The following ZEB2 variants were observed in gnomAD, a reference collection of about 807,000 sequenced individuals.
The protein encoded by ZEB2 is zinc finger E-box binding homeobox 2.
A neutral mutation model predicts 99.9 loss-of-function variants in ZEB2; 6 were observed. That is an observed-to-expected ratio of 0.06 (90% CI 0.03 to 0.12). The LOEUF (loss-of-function observed/expected upper bound fraction) is 0.12, where lower values mean the gene tolerates loss of function less well. Among genes scored for constraint, ZEB2 ranks in the 10% least tolerant of loss-of-function variants. ZEB2 has a pLI of 1.00. For synonymous variants in ZEB2, 517 were observed against 542.5 expected (o/e 0.95, Z 0.65); for missense variants, 969 against 1,502.8 (o/e 0.64, Z 5.87).
intron 2 of ZEB2, chr2:144,511,596 C>T: frequency 6.2e-6 from 8 of 1,282,248 alleles, no homozygotes; most frequent in Non-Finnish European, 8.1e-6. Context: ...TAAAAGTTTA[C>T]CCTCCCCACA....
intron 2 of ZEB2, among the ~76,000 whole-genome samples, chr2:144,450,832 C>T (rs976565523): frequency 7.2e-5 from 11 of 152,118 alleles, no homozygotes; most frequent in African/African-American, 1.2e-4. Context: ...CCCACCACCA[C>T]GCCTGGTTAA....
At chr2:144,467,938 G>T (rs1425478849) in intron 2 of ZEB2, among the ~76,000 whole-genome samples, 1 of 152,160 alleles carries the variant, frequency 6.6e-6, no homozygotes, top group Non-Finnish European at 1.5e-5. Context: ...AACACAGGCT[G>T]AATGGTAGGG....
chr2:144,510,988 T>A (rs902615645), intron 2 of ZEB2, among the ~76,000 whole-genome samples: 2 of 152,204 alleles, frequency 1.3e-5, no homozygotes, highest in Non-Finnish European at 1.5e-5. Context: ...TGGGTGTGTG[T>A]GTGTCTTCCC....
At chr2:144,438,250 T>G (rs138179631) in intron 2 of ZEB2, among the ~76,000 whole-genome samples, 80 of 152,330 alleles carry the variant, frequency 5.3e-4, no homozygotes, top group African/African-American at 1.9e-3. Context: ...CTGAAGTCAA[T>G]AATAATTCTT....
chr2:144,395,625 A>T (rs1703219256), intron 9 of ZEB2, among the ~76,000 whole-genome samples: 1 of 152,134 alleles, frequency 6.6e-6, no homozygotes, highest in Admixed American at 6.6e-5. Flanking sequence ...GTGGGGATGG[A>T]GCCAGGGAGG....
chr2:144,418,497 G>A (rs1251796642), intron 4 of ZEB2, among the ~76,000 whole-genome samples: 1 of 152,028 alleles, frequency 6.6e-6, no homozygotes, highest in African/African-American at 2.4e-5. Context: ...AGATCAGCCT[G>A]GCCAACATGA....
intron 4 of ZEB2, among the ~76,000 whole-genome samples, chr2:144,411,920 C>T (rs1397023497): frequency 1.3e-5 from 2 of 152,326 alleles, no homozygotes; most frequent in Middle Eastern, 3.4e-3. Flanking sequence ...TAACACTCAA[C>T]GATTTTGATT....
intron 4 of ZEB2, among the ~76,000 whole-genome samples, chr2:144,417,834 T>C (rs1351709595): frequency 1.7e-4 from 26 of 152,214 alleles, no homozygotes; most frequent in Admixed American, 1.7e-3. Context: ...GGTTCTCGAA[T>C]GTCCTTATCA....
chr2:144,439,172 T>C (rs963339251), intron 2 of ZEB2, among the ~76,000 whole-genome samples: 1 of 148,576 alleles, frequency 6.7e-6, no homozygotes, highest in Non-Finnish European at 1.5e-5. Flanking sequence ...TTTGCTCAAC[T>C]GTTCTGAGGT....
intron 9 of ZEB2, 140 bp downstream of exon 9, chr2:144,396,272 G>A (rs780131890): frequency 2.1e-5 from 24 of 1,120,912 alleles, no homozygotes; most frequent in Non-Finnish European, 3.2e-5. Context: ...GTCCTACTGA[G>A]CTCGGCAAAA....
intron 2 of ZEB2, among the ~76,000 whole-genome samples, chr2:144,493,435 C>G (rs910063962): frequency 1.3e-5 from 2 of 152,188 alleles, no homozygotes; most frequent in African/African-American, 4.8e-5. Flanking sequence ...GGTTAAGAAA[C>G]GCACCCAGGG....
chr2:144,495,330 C>G (rs1449762629), intron 2 of ZEB2: 1 of 152,196 alleles, frequency 6.6e-6, no homozygotes, highest in Non-Finnish European at 1.5e-5. Flanking sequence ...ACTTGACACT[C>G]TGGCTCTGAG....
intron 6 of ZEB2, among the ~76,000 whole-genome samples, chr2:144,402,437 G>A (rs1486076596): frequency 3.3e-5 from 5 of 152,098 alleles, no homozygotes; most frequent in Admixed American, 6.5e-5. Context: ...CCAGCCCGCC[G>A]AGCGCCATTG....
At chr2:144,407,440 G>A (rs1703402512) in intron 4 of ZEB2, among the ~76,000 whole-genome samples, 1 of 152,204 alleles carries the variant, frequency 6.6e-6, no homozygotes, top group South Asian at 2.1e-4. Context: ...ACTTATTGGT[G>A]GTGACTGTGA....
chr2:144,520,041 T>G lies in ZEB2; in HGVS notation c.-172A>C. ...AAAAAGGTGGAAGCGAAGAAACAGC[T>G]CCCGGAGCAAACTGTACAAAAACCT... On this transcript the variant is annotated 5_prime_UTR_variant, in exon 1 of 10. Coordinates refer to ENST00000627532, the MANE Select transcript of ZEB2 (RefSeq NM_014795.4). The G allele has an allele frequency of 4.4e-6, 2 of 454,380 alleles. No individual in the cohort carries two copies. Among genetic ancestry groups the G allele is most frequent in the Non-Finnish European group, 8.8e-6 (2 of 226,776 alleles). The allele number at this position is 454,380 out of a possible 1,614,324, so 28.1% of individuals were successfully genotyped here.
At chr2:144,517,215 CCTT>C in intron 2 of ZEB2, 60 bp downstream of exon 2, 1 of 1,604,038 alleles carries the variant, frequency 6.2e-7, no homozygotes, top group Non-Finnish European at 8.5e-7. Flanking sequence ...CTTTCCCCCT[CCTT>C]CTCCCTGGGT....
rs62169235 is a variant in ZEB2 at position 144,516,498 on chromosome 2, T to G, written c.73+780A>C. 16,026 of 140,274 alleles carry G rather than the reference T, an allele frequency of 0.11. 1,561 individuals are homozygous for G. Among genetic ancestry groups the G allele is most frequent in the East Asian group, 0.51 (2,293 of 4,516 alleles). The allele number at this position is 140,274 out of a possible 1,614,324, so 8.7% of individuals were successfully genotyped here. On this transcript the variant is annotated intron_variant, in intron 2 of 9. Coordinates refer to ENST00000627532, the MANE Select transcript of ZEB2 (RefSeq NM_014795.4). ...GCCCCTCGAACCCCCATCTCCTTTCTCCTTCCTCCTTCCTGACTCAGCCTG... is the reference window on the plus strand; with the variant it reads ...GCCCCTCGAACCCCCATCTCCTTTCGCCTTCCTCCTTCCTGACTCAGCCTG...
chr2:144,412,546 A>T (rs184942466), intron 4 of ZEB2, among the ~76,000 whole-genome samples: 203 of 152,260 alleles, frequency 1.3e-3, no homozygotes, highest in South Asian at 2.3e-3. Flanking sequence ...TTGAAATGCA[A>T]ATTATTGGGG....
chr2:144,422,291 C>T (rs774072170), intron 4 of ZEB2, among the ~76,000 whole-genome samples: 7 of 152,162 alleles, frequency 4.6e-5, no homozygotes, highest in Non-Finnish European at 8.8e-5. Context: ...CAGAAATTGC[C>T]TCCTAGGACT....
Sources: allele counts gnomAD v4.1 joint callset (sites outside exome capture counted in the v4.1 genomes callset), GRCh38; gene constraint gnomAD v4.1.1; transcripts MANE v1.5; gene names NCBI Gene and HGNC (gene_info 2026-07-23, HGNC 2026-07-21).